The following CAB39 variants were observed in gnomAD, a reference collection of about 807,000 sequenced individuals.
CAB39 encodes calcium binding protein 39, also known as calcium-binding protein 39.
CAB39 carries 8 observed loss-of-function variants against 40.0 expected under a neutral mutation model. The observed-to-expected ratio is 0.20, with a 90% CI of 0.12 to 0.36. CAB39 has a LOEUF of 0.36. CAB39 is among the 10% of genes least tolerant of loss of function. CAB39 has a pLI of 1.00. For missense variants in CAB39, 270 were observed against 401.1 expected (o/e 0.67, Z 2.79); for synonymous variants, 156 against 141.6 (o/e 1.10, Z -0.72).
intron 8 of CAB39, chr2:230,818,241 C>T (rs1459272643): frequency 9.0e-6 from 4 of 444,566 alleles, no homozygotes; most frequent in South Asian, 8.4e-5. Flanking sequence ...AATTTCTGCC[C>T]ATTTTATTCT....
At chr2:230,808,150 G>A (rs571505037) in intron 5 of CAB39, among the ~76,000 whole-genome samples, 1 of 151,062 alleles carries the variant, frequency 6.6e-6, no homozygotes, top group East Asian at 1.9e-4. Flanking sequence ...GCAGTGGTGC[G>A]ATTTCAGCTC....
intron 2 of CAB39, among the ~76,000 whole-genome samples, chr2:230,769,899 G>A (rs972942936): frequency 7.2e-5 from 11 of 151,840 alleles, no homozygotes; most frequent in Admixed American, 7.2e-4. Flanking sequence ...GGAGGCTGCA[G>A]TGAGCTGAGA....
chr2:230,817,455 G>A (rs111227432), intron 7 of CAB39, among the ~76,000 whole-genome samples: 8 of 152,246 alleles, frequency 5.3e-5, no homozygotes, highest in African/African-American at 1.4e-4. Context: ...ACAAATGCAC[G>A]CTTAAAGGGG....
chr2:230,723,919 G>A (rs73995133), intron 1 of CAB39, among the ~76,000 whole-genome samples: 8,847 of 151,946 alleles, frequency 0.058, 875 homozygotes, highest in African/African-American at 0.2. Flanking sequence ...TCCAATCAGC[G>A]TCACCGCCAC....
intron 2 of CAB39, chr2:230,778,976 C>G (rs1293792730): frequency 6.6e-6 from 1 of 152,050 alleles, no homozygotes. Context: ...ACTATAGTTA[C>G]CTATGTCCTC....
intron 2 of CAB39, among the ~76,000 whole-genome samples, chr2:230,779,849 T>C (rs1241019544): frequency 6.6e-6 from 1 of 152,184 alleles, no homozygotes; most frequent in East Asian, 1.9e-4. Context: ...TCTTCCTGGA[T>C]GCAGGAGCTC....
At chr2:230,810,044 G>C (rs1357628028) in intron 5 of CAB39, among the ~76,000 whole-genome samples, 1 of 152,042 alleles carries the variant, frequency 6.6e-6, no homozygotes, top group African/African-American at 2.4e-5. Context: ...AAGAGCTGTA[G>C]ATCCATGACT....
intron 3 of CAB39, among the ~76,000 whole-genome samples, chr2:230,792,169 T>G (rs989009764): frequency 1.4e-4 from 21 of 152,246 alleles, no homozygotes; most frequent in African/African-American, 4.8e-4. Flanking sequence ...ATTTCATAGC[T>G]GATTTCATGT....
In CAB39 at chr2:230,819,004, T is replaced by A. The variant is rs1473676262; in HGVS notation, c.*300T>A. On this transcript the variant is annotated 3_prime_UTR_variant, in exon 9 of 9. Transcript: ENST00000258418. ...GGCAAATGTATGGATGAGAGTGTGG[T>A]TTAGGAAAGAGGGCACTGATATCAG... The A allele has an allele frequency of 3.6e-6, 1 of 279,700 alleles. No homozygotes were observed. Among genetic ancestry groups the A allele is most frequent in the East Asian group, 9.4e-5 (1 of 10,668 alleles). The allele number at this position is 279,700 out of a possible 1,614,324, so 17.3% of individuals were successfully genotyped here.
At chr2:230,745,481 G>A (rs1409578911) in intron 1 of CAB39, among the ~76,000 whole-genome samples, 1 of 152,194 alleles carries the variant, frequency 6.6e-6, no homozygotes, top group East Asian at 1.9e-4. Context: ...CGGAGACTTG[G>A]TTGGGACTGG....
chr2:230,788,006 T>C (rs2124953355), intron 2 of CAB39, among the ~76,000 whole-genome samples: 1 of 152,354 alleles, frequency 6.6e-6, no homozygotes, highest in Admixed American at 6.5e-5. Context: ...TAAAGTCATG[T>C]GATTTGATAG....
At chr2:230,720,324 G>A (rs911542925) in intron 1 of CAB39, among the ~76,000 whole-genome samples, 1 of 152,210 alleles carries the variant, frequency 6.6e-6, no homozygotes, top group Non-Finnish European at 1.5e-5. Flanking sequence ...TTAGATCACA[G>A]GGTTCTTTGC....
At chr2:230,739,582 C>T (rs1167728024) in intron 1 of CAB39, among the ~76,000 whole-genome samples, 1 of 152,252 alleles carries the variant, frequency 6.6e-6, no homozygotes, top group Non-Finnish European at 1.5e-5. Context: ...ACAACCTCCG[C>T]CTCCCGGGTT....
At chr2:230,806,774 A>G (rs1696202803) in intron 5 of CAB39, among the ~76,000 whole-genome samples, 1 of 152,174 alleles carries the variant, frequency 6.6e-6, no homozygotes, top group Non-Finnish European at 1.5e-5. Flanking sequence ...GAGGTGAACC[A>G]CACAACTGGA....
chr2:230,794,633 C>T (rs959197789), intron 4 of CAB39, among the ~76,000 whole-genome samples: 2 of 152,192 alleles, frequency 1.3e-5, no homozygotes, highest in African/African-American at 2.4e-5. Context: ...CCAGAGCAGA[C>T]ACTTCCAGCC....
intron 1 of CAB39, among the ~76,000 whole-genome samples, chr2:230,728,355 C>T (rs1054292757): frequency 1.3e-5 from 2 of 151,998 alleles, no homozygotes; most frequent in Non-Finnish European, 2.9e-5. Context: ...AAACTATATT[C>T]CAAATTTATC....
intron 1 of CAB39, among the ~76,000 whole-genome samples, chr2:230,753,518 G>A (rs1230144333): frequency 6.6e-6 from 1 of 152,080 alleles, no homozygotes; most frequent in Non-Finnish European, 1.5e-5. Context: ...ACTTTGGGAG[G>A]CTGAGGTGGG....
chr2:230,804,351 A>G (rs1457591539), intron 5 of CAB39, among the ~76,000 whole-genome samples: 1 of 152,246 alleles, frequency 6.6e-6, no homozygotes, highest in Non-Finnish European at 1.5e-5. Context: ...CAAGGACTTC[A>G]TGACTAAAAT....
intron 1 of CAB39, among the ~76,000 whole-genome samples, chr2:230,714,304 G>C (rs1694310511): frequency 6.6e-6 from 1 of 152,172 alleles, no homozygotes; most frequent in African/African-American, 2.4e-5. Flanking sequence ...TGAAAGGAGA[G>C]AGGAGGAGGC....
Sources: allele counts gnomAD v4.1 joint callset (sites outside exome capture counted in the v4.1 genomes callset), GRCh38; gene constraint gnomAD v4.1.1; transcripts MANE v1.5; gene names NCBI Gene and HGNC (gene_info 2026-07-23, HGNC 2026-07-21).